Variants in ANTXR2 observed in about 807,000 individuals in gnomAD.
ANTXR2 encodes anthrax toxin receptor 2.
Under a neutral mutation model 73.7 loss-of-function variants are expected in ANTXR2, and 44 were observed. That is an observed-to-expected ratio of 0.60 (90% CI 0.47 to 0.77). The LOEUF (loss-of-function observed/expected upper bound fraction) is 0.77, where lower values mean the gene tolerates loss of function less well. ANTXR2 is among the 30% of genes least tolerant of loss of function. ANTXR2 has a pLI of 0.00. For synonymous variants in ANTXR2, 217 were observed against 205.9 expected (o/e 1.05, Z -0.46); for missense variants, 604 against 592.5 (o/e 1.02, Z -0.20).
intron 16 of ANTXR2, among the ~76,000 whole-genome samples, chr4:79,915,856 C>CTATATATATATATATA (rs1474331161): frequency 8.9e-6 from 1 of 112,262 alleles, no homozygotes; most frequent in African/African-American, 3.0e-5. Flanking sequence ...CTCTCTCTCT[C>CTATATATATATATATA]TCTCTCTATA....
At chr4:79,919,915 ATATAT>A (rs1560856558) in intron 16 of ANTXR2, among the ~76,000 whole-genome samples, 32 of 17,906 alleles carry the variant, frequency 1.8e-3, no homozygotes, top group African/African-American at 3.4e-3. Flanking sequence ...ATATATATAT[ATATAT>A]AAAAAATGAT....
rs1319751826 is a variant in ANTXR2, at chr4:79,902,783, AAAG to A, written c.*4643_*4645del. 1 of 151,916 alleles carries A rather than the reference AAAG, an allele frequency of 6.6e-6. No individual in the cohort carries two copies. The highest frequency in any genetic ancestry group is 1.5e-5 in the Non-Finnish European group (1 of 67,996). The allele number at this position is 151,916 out of a possible 1,614,324, so 9.4% of individuals were successfully genotyped here. A position where few individuals can be genotyped will look rare whatever the true frequency, so the allele number is the denominator to read the frequency against. On this transcript the variant is annotated 3_prime_UTR_variant, in exon 17 of 17. Coordinates refer to ENST00000403729, the MANE Select transcript of ANTXR2 (RefSeq NM_058172.6). ...ACTAATATTACCACACACTACAGAC[AAAG>A]AAGCCAGTCATATTGATACAAATAT...
At chr4:80,016,102 C>T (rs568885399) in intron 11 of ANTXR2, among the ~76,000 whole-genome samples, 1 of 152,040 alleles carries the variant, frequency 6.6e-6, no homozygotes, top group Non-Finnish European at 1.5e-5. Flanking sequence ...TAAAAGAATT[C>T]TTTCAAGTTG....
At chr4:79,966,076 G>A (rs1288605454) in intron 16 of ANTXR2, among the ~76,000 whole-genome samples, 1 of 151,228 alleles carries the variant, frequency 6.6e-6, no homozygotes. Context: ...GCTAACAAAA[G>A]AACTCCAGGA....
chr4:79,914,685 G>A (rs1436476126), intron 16 of ANTXR2, among the ~76,000 whole-genome samples: 4 of 152,110 alleles, frequency 2.6e-5, no homozygotes, highest in African/African-American at 9.7e-5. Flanking sequence ...CCTGAACTAA[G>A]TTGAAAAATT....
At chr4:79,984,346 ACT>A (rs1242754107) in intron 13 of ANTXR2, among the ~76,000 whole-genome samples, 1 of 152,136 alleles carries the variant, frequency 6.6e-6, no homozygotes, top group African/African-American at 2.4e-5. Flanking sequence ...GTAGGTTTGG[ACT>A]CTATGAAATT....
At chr4:80,014,780 T>C (rs899454061) in intron 11 of ANTXR2, among the ~76,000 whole-genome samples, 6 of 152,142 alleles carry the variant, frequency 3.9e-5, no homozygotes, top group Admixed American at 2.0e-4. Flanking sequence ...CGGAGAAACC[T>C]AACATCAGTG....
At chr4:79,961,686 C>A (rs1251922202) in intron 16 of ANTXR2, among the ~76,000 whole-genome samples, 1 of 152,156 alleles carries the variant, frequency 6.6e-6, no homozygotes, top group Non-Finnish European at 1.5e-5. Context: ...GGGATTCTCT[C>A]ATCTCTGCCT....
intron 10 of ANTXR2, among the ~76,000 whole-genome samples, chr4:80,030,060 A>G (rs1340284973): frequency 6.6e-6 from 1 of 152,028 alleles, no homozygotes; most frequent in Non-Finnish European, 1.5e-5. Flanking sequence ...GGAAACAGAA[A>G]GACCAGTTGA....
At chr4:80,046,740 C>A (rs1578183001) in intron 7 of ANTXR2, among the ~76,000 whole-genome samples, 1 of 151,700 alleles carries the variant, frequency 6.6e-6, no homozygotes, top group Non-Finnish European at 1.5e-5. Flanking sequence ...TCCAAATACA[C>A]ATCCTAAAAA....
intron 12 of ANTXR2, among the ~76,000 whole-genome samples, chr4:79,995,412 A>C (rs555687422): frequency 1.3e-5 from 2 of 152,014 alleles, no homozygotes; most frequent in Non-Finnish European, 2.9e-5. Context: ...ATAGATTTAC[A>C]TGAAACTAAA....
intron 16 of ANTXR2, among the ~76,000 whole-genome samples, chr4:79,925,067 T>A (rs1044077066): frequency 3.9e-5 from 6 of 152,142 alleles, no homozygotes; most frequent in African/African-American, 1.2e-4. Context: ...TATCATTGTA[T>A]CTTTTCATCA....
intron 7 of ANTXR2, among the ~76,000 whole-genome samples, chr4:80,050,977 T>TC (rs1733746509): frequency 6.6e-6 from 1 of 151,608 alleles, no homozygotes; most frequent in Non-Finnish European, 1.5e-5. Context: ...TCAATGTTTA[T>TC]CCCCCATACC....
chr4:79,931,449 TTCTCTCTCTC>T (rs142694925), intron 16 of ANTXR2, among the ~76,000 whole-genome samples: 390 of 134,154 alleles, frequency 2.9e-3, no homozygotes, highest in Middle Eastern at 0.018. Context: ...TCCTCGCTTC[TTCTCTCTCTC>T]TCTCTCTCTC....
chr4:80,072,498 C>T lies in ANTXR2; in HGVS notation c.63G>A (p.Leu21=). ...GCCCCCCGGGACCGCTGAGCACCAA[C>T]AGCCACAGCCCGGGGAACAGCCAGC... ...PGSWLFPGLW[L]LVLSGPGGLL... Residue 21 remains leucine, a synonymous_variant, in exon 1 of 17, where the codon CTG becomes CTA. Transcript: ENST00000403729. 2 of 1,608,056 alleles carry T rather than the reference C, an allele frequency of 1.2e-6. No homozygotes were observed. The highest frequency in any genetic ancestry group is 1.7e-4 in the Middle Eastern group (1 of 5,980).
In ANTXR2 at chr4:79,943,747, T is replaced by A. The variant is rs550211976; in HGVS notation, c.1428+33874A>T. The stretch of plus-strand genomic sequence containing the variant: ...ACTTAGAGTATAATAAAAAAAAAAA[T>A]AAATAAAAAATAAAACCCCCTAAGA... On this transcript the variant is annotated intron_variant, in intron 16 of 16. Coordinates refer to ENST00000403729, the MANE Select transcript of ANTXR2 (RefSeq NM_058172.6). 9.4e-3 allele frequency among the ~76,000 whole-genome samples: 1,421 copies of A among 150,494 alleles called. 15 individuals carry two copies. Among genetic ancestry groups the A allele is most frequent in the South Asian group, 0.02 (96 of 4,714 alleles).
At chr4:80,039,376 T>C (rs1031519473) in intron 7 of ANTXR2, among the ~76,000 whole-genome samples, 1 of 152,088 alleles carries the variant, frequency 6.6e-6, no homozygotes, top group Non-Finnish European at 1.5e-5. Context: ...ATGCAAATAG[T>C]TTGCACCATA....
chr4:79,986,036 G>A (rs1346250078), intron 12 of ANTXR2, among the ~76,000 whole-genome samples: 1 of 151,872 alleles, frequency 6.6e-6, no homozygotes, highest in Admixed American at 6.6e-5. Flanking sequence ...TAAAGACGGG[G>A]TTTCACCATA....
intron 16 of ANTXR2, among the ~76,000 whole-genome samples, chr4:79,961,522 C>T (rs1305964984): frequency 1.3e-5 from 2 of 152,106 alleles, no homozygotes; most frequent in Non-Finnish European, 2.9e-5. Flanking sequence ...GCAGCCTTGA[C>T]ATCCCTGGCT....
Sources: allele counts gnomAD v4.1 joint callset (sites outside exome capture counted in the v4.1 genomes callset), GRCh38; gene constraint gnomAD v4.1.1; transcripts MANE v1.5; gene names NCBI Gene and HGNC (gene_info 2026-07-23, HGNC 2026-07-21).